The following SCAF8 variants were observed in gnomAD, a reference collection of about 807,000 sequenced individuals.
SCAF8 encodes SR-related and CTD-associated factor 8.
Under a neutral mutation model 140.5 loss-of-function variants are expected in SCAF8, and 23 were observed. The ratio of observed to expected loss-of-function variants is 0.16; its 90% CI spans 0.12 to 0.23. The LOEUF (loss-of-function observed/expected upper bound fraction) is 0.23, where lower values mean the gene tolerates loss of function less well. Ranked by LOEUF, SCAF8 falls within the 10% of genes least tolerant of loss-of-function variation. The pLI is 1.00. For synonymous variants in SCAF8, 575 were observed against 528.9 expected (o/e 1.09, Z -1.20); for missense variants, 1,397 against 1,555.7 (o/e 0.90, Z 1.72).
At chr6:154,814,685 A>T (rs1258078381) in intron 12 of SCAF8, among the ~76,000 whole-genome samples, 1 of 151,634 alleles carries the variant, frequency 6.6e-6, no homozygotes, top group Non-Finnish European at 1.5e-5. Context: ...AATATAACAT[A>T]TGAAAATTCT....
intron 1 of SCAF8, among the ~76,000 whole-genome samples, chr6:154,770,388 A>ACTCTCTCTCTCTCTCT (rs58596375): frequency 1.4e-5 from 2 of 141,918 alleles, no homozygotes; most frequent in African/African-American, 5.2e-5. Flanking sequence ...ACACACACAC[A>ACTCTCTCTCTCTCTCT]CTCTCTCTCT....
At chr6:154,821,478 CAAAA>C (rs1302608422) in intron 15 of SCAF8, among the ~76,000 whole-genome samples, 2 of 151,350 alleles carry the variant, frequency 1.3e-5, no homozygotes, top group African/African-American at 4.9e-5. Context: ...AGATAATAAA[CAAAA>C]TAGATAAACT....
intron 4 of SCAF8, 35 bp downstream of exon 4, chr6:154,788,057 A>G (rs1380806251): frequency 1.3e-6 from 2 of 1,545,602 alleles, no homozygotes; most frequent in East Asian, 4.5e-5. Flanking sequence ...GTTTTTTTAA[A>G]AGTAGATACA....
rs760793975 is a variant in SCAF8 at position 154,833,278 on chromosome 6, T to C, written c.3699T>C (p.Asp1233=). 6.2e-7 allele frequency: 1 copy of C among 1,613,962 alleles called. No individual in the cohort carries two copies. The highest frequency in any genetic ancestry group is 2.2e-5 in the East Asian group (1 of 44,834). ...CACCACCTATACCAGTACAGAATGA[T>C]CCTGAACTTTATGAAAAACTGACAT... ...AQPPPIPVQN[D]PELYEKLTSS... Residue 1233 remains aspartate (D), a synonymous_variant, in exon 20 of 20, where the codon GAT becomes GAC. Coordinates refer to ENST00000367178, the MANE Select transcript of SCAF8 (RefSeq NM_014892.5).
At chr6:154,831,759 A>G (rs1375785194) in intron 19 of SCAF8, among the ~76,000 whole-genome samples, 180 bp from the exon 20 acceptor site, 2 of 143,644 alleles carry the variant, frequency 1.4e-5, no homozygotes, top group East Asian at 4.2e-4. Context: ...TGGTTTAGAA[A>G]GGCTTTTATT....
chr6:154,769,458 A>G (rs973295612), intron 1 of SCAF8, among the ~76,000 whole-genome samples: 2 of 152,226 alleles, frequency 1.3e-5, no homozygotes, highest in Admixed American at 6.5e-5. Flanking sequence ...TACCCTAGTA[A>G]TATAAACAGC....
At chr6:154,742,325 G>A (rs1270612398) in intron 1 of SCAF8, among the ~76,000 whole-genome samples, 1 of 152,108 alleles carries the variant, frequency 6.6e-6, no homozygotes, top group Non-Finnish European at 1.5e-5. Context: ...AACTATTTGA[G>A]TGAATTGCAG....
Position 154,824,374 on chromosome 6 carries a change from A to G in SCAF8, c.2067A>G (p.Pro689=), listed in dbSNP as rs752868355. 6.2e-7 allele frequency: 1 copy of G among 1,610,584 alleles called. No homozygotes were observed. The highest frequency in any genetic ancestry group is 1.3e-5 in the African/African-American group (1 of 74,678). Residue 689 remains proline, a synonymous_variant, in exon 17 of 20, where the codon CCA becomes CCG. Coordinates refer to ENST00000367178, the MANE Select transcript of SCAF8 (RefSeq NM_014892.5). ...LRASFNPSQP[P]PGFMPPPVPP... ...CAAGTTTTAACCCTTCACAACCACC[A>G]CCTGGTAAGGAATTTTTGTTTTAAT...
At chr6:154,777,701 A>G (rs933547928) in intron 2 of SCAF8, among the ~76,000 whole-genome samples, 2 of 152,240 alleles carry the variant, frequency 1.3e-5, no homozygotes, top group African/African-American at 2.4e-5. Context: ...TTTGAAGTCA[A>G]CACAACTGTT....
intron 1 of SCAF8, among the ~76,000 whole-genome samples, chr6:154,755,389 G>A (rs1006054902): frequency 1.3e-5 from 2 of 152,100 alleles, no homozygotes; most frequent in Non-Finnish European, 2.9e-5. Flanking sequence ...GAGTAGCTAG[G>A]ATTACAGATG....
In SCAF8 at chr6:154,749,614, G is replaced by A. The variant is rs116795888; in HGVS notation, c.30+15684G>A. On this transcript the variant is annotated intron_variant, in intron 1 of 19. Coordinates refer to ENST00000367178, the MANE Select transcript of SCAF8 (RefSeq NM_014892.5). The stretch of plus-strand genomic sequence containing the variant: ...CTGTGATGTATACAGTAGAAAGGGT[G>A]GAGGCATTGTGTGCAAAACGTAAAA... Among the ~76,000 whole-genome samples the A allele has an allele frequency of 7.7e-3, 1,174 of 152,240 alleles. 17 individuals carry two copies. Among genetic ancestry groups the A allele is most frequent in the African/African-American group, 0.026 (1,092 of 41,516 alleles).
chr6:154,746,305 T>C, intron 1 of SCAF8, among the ~76,000 whole-genome samples: 1 of 152,218 alleles, frequency 6.6e-6, no homozygotes. Flanking sequence ...TTTTGAGTTG[T>C]CTTATTCTCT....
intron 5 of SCAF8, among the ~76,000 whole-genome samples, chr6:154,794,074 A>G (rs895711884): frequency 6.6e-6 from 1 of 151,690 alleles, no homozygotes; most frequent in African/African-American, 2.4e-5. Context: ...GGCATGCACT[A>G]CCATGCCTGG....
intron 1 of SCAF8, among the ~76,000 whole-genome samples, chr6:154,761,639 T>A (rs191555112): frequency 6.6e-6 from 1 of 152,380 alleles, no homozygotes; most frequent in Non-Finnish European, 1.5e-5. Flanking sequence ...CCTTTTGGCC[T>A]GTGCTGTTTA....
intron 1 of SCAF8, among the ~76,000 whole-genome samples, chr6:154,754,369 T>G (rs1393762572): frequency 1.3e-5 from 2 of 152,232 alleles, no homozygotes; most frequent in African/African-American, 4.8e-5. Flanking sequence ...ATCATCTGAT[T>G]CAGTGACGTT....
At chr6:154,779,972 A>T (rs1169559412) in intron 3 of SCAF8, among the ~76,000 whole-genome samples, 2 of 152,142 alleles carry the variant, frequency 1.3e-5, no homozygotes, top group Admixed American at 6.5e-5. Flanking sequence ...TCACCTGTTG[A>T]CACACTAACC....
chr6:154,820,141 A>G lies in SCAF8; in HGVS notation c.1636-36A>G, dbSNP rs527361289. 55 of 1,525,046 alleles carry G rather than the reference A, an allele frequency of 3.6e-5. 1 individual carries two copies. The South Asian group carries it at 5.0e-4, about 14-fold the overall frequency. The allele number at this position is 1,525,046 out of a possible 1,614,324, so 94.5% of individuals were successfully genotyped here. On this transcript the variant is annotated intron_variant, in intron 14 of 19. Transcript: ENST00000367178. ...TACCTTGTTTTTATAGTATGTATGT[A>G]TAACCTTTCTTTTTTCCTCTTCCCA... is the stretch of plus-strand genomic sequence containing the variant.
At chr6:154,820,139 G>T in intron 14 of SCAF8, 38 bp from the exon 15 acceptor site, 1 of 1,514,488 alleles carries the variant, frequency 6.6e-7, no homozygotes. Context: ...TAGTATGTAT[G>T]TATAACCTTT....
At chr6:154,760,529 G>A (rs558629449) in intron 1 of SCAF8, among the ~76,000 whole-genome samples, 9 of 151,994 alleles carry the variant, frequency 5.9e-5, no homozygotes, top group Admixed American at 3.9e-4. Flanking sequence ...ATACAGTATC[G>A]CACACTCTTC....
Sources: gnomAD v4.1 joint callset for allele counts (sites outside exome capture counted in the v4.1 genomes callset) on GRCh38, gnomAD v4.1.1 for gene constraint, MANE v1.5 for transcripts, NCBI Gene and HGNC (gene_info 2026-07-23, HGNC 2026-07-21) for gene names.